RBM17: variants seen among roughly 807,000 people sequenced by gnomAD.
The protein encoded by RBM17 is RNA binding motif protein 17.
A neutral mutation model predicts 53.2 loss-of-function variants in RBM17; 7 were observed. That is an observed-to-expected ratio of 0.13 (90% CI 0.07 to 0.25). The LOEUF is 0.25. Among genes scored for constraint, RBM17 ranks in the 10% least tolerant of loss-of-function variants. The pLI is 1.00. For synonymous variants in RBM17, 167 were observed against 178.1 expected, an observed-to-expected ratio of 0.94 and a Z score of 0.50; for missense variants, 257 against 496.7, an observed-to-expected ratio of 0.52 and a Z score of 4.59.
chr10:6,096,748 A>G (rs148626729), intron 1 of RBM17, among the ~76,000 whole-genome samples: 162 of 152,358 alleles, frequency 1.1e-3, no homozygotes, highest in African/African-American at 3.7e-3. Flanking sequence ...ATATGTAATT[A>G]ATAATGTTCC....
chr10:6,113,127 C>T (rs956762111), intron 8 of RBM17: 6 of 188,272 alleles, frequency 3.2e-5, no homozygotes, highest in South Asian at 3.0e-4. Flanking sequence ...GTAAGGCAGC[C>T]GGTGGCTGGA....
At chr10:6,096,261 C>T (rs1840572288) in intron 1 of RBM17, among the ~76,000 whole-genome samples, 2 of 152,122 alleles carry the variant, frequency 1.3e-5, no homozygotes, top group Admixed American at 6.5e-5. Flanking sequence ...GGGGCTTCCG[C>T]TGTGGCCTTG....
chr10:6,109,542 T>G (rs1004700896), intron 6 of RBM17, among the ~76,000 whole-genome samples: 27 of 152,310 alleles, frequency 1.8e-4, no homozygotes, highest in African/African-American at 6.5e-4. Flanking sequence ...ACCGCTCCAG[T>G]GCGTAGCCCC....
intron 9 of RBM17, 86 bp from the exon 10 acceptor site, chr10:6,113,963 C>A: frequency 1.2e-6 from 1 of 832,510 alleles, no homozygotes; most frequent in Non-Finnish European, 1.9e-6. Context: ...AGAACATTTA[C>A]CATCACTAAG....
intron 1 of RBM17, among the ~76,000 whole-genome samples, chr10:6,094,551 G>A (rs1205651951): frequency 6.6e-6 from 1 of 152,224 alleles, no homozygotes; most frequent in Non-Finnish European, 1.5e-5. Flanking sequence ...TTGCTGACCA[G>A]TTGGATGAAG....
chr10:6,099,084 C>T (rs1203892616), intron 2 of RBM17, among the ~76,000 whole-genome samples: 1 of 151,548 alleles, frequency 6.6e-6, no homozygotes, highest in African/African-American at 2.4e-5. Context: ...CCTCGTTTTT[C>T]TCTTTAATTT....
chr10:6,112,544 C>T lies in RBM17; in HGVS notation c.856+183C>T, dbSNP rs1453687270. ...TGTTCATATGATGCACTGCCACTTC[C>T]GTTTTGTGAAACCAGGAATCCTGAG... On this transcript the variant is annotated intron_variant, in intron 8 of 11. Transcript: ENST00000379888. The surrounding 1 kb of genome is among the most constrained non-coding windows in gnomAD (Gnocchi z 4.4). 13 of 661,870 alleles carry T rather than the reference C, an allele frequency of 2.0e-5. No individual in the cohort carries two copies. The highest frequency in any genetic ancestry group is 5.6e-5 in the East Asian group (2 of 35,448). The allele number at this position is 661,870 out of a possible 1,614,324, so 41.0% of individuals were successfully genotyped here.
intron 8 of RBM17, 96 bp from the exon 9 acceptor site, chr10:6,113,412 T>C: frequency 2.4e-6 from 2 of 834,058 alleles, no homozygotes; most frequent in Non-Finnish European, 4.0e-6. Context: ...GCTATTGAAA[T>C]TAAATTAATT....
chr10:6,111,474 G>A (rs980131626), intron 7 of RBM17, among the ~76,000 whole-genome samples: 1 of 152,208 alleles, frequency 6.6e-6, no homozygotes, highest in Non-Finnish European at 1.5e-5. Context: ...CAAGTAGCTG[G>A]GACTACAGGT....
At chr10:6,102,837 G>A (rs11256761) in intron 3 of RBM17, among the ~76,000 whole-genome samples, 5,944 of 152,102 alleles carry the variant, frequency 0.039, 215 homozygotes, top group African/African-American at 0.098. Flanking sequence ...GTCTTGCTCT[G>A]TCACCACGCT....
chr10:6,108,583 GT>G, intron 5 of RBM17, 102 bp from the exon 6 acceptor site: 2 of 846,232 alleles, frequency 2.4e-6, no homozygotes, highest in Non-Finnish European at 1.9e-6. Flanking sequence ...TCCTTTTTTA[GT>G]TTTTTCTTAG....
At chr10:6,098,968 G>C (rs1840627719) in intron 2 of RBM17, among the ~76,000 whole-genome samples, 1 of 151,904 alleles carries the variant, frequency 6.6e-6, no homozygotes. Context: ...AGGTTTTTTT[G>C]TGTTTTTAAA....
intron 3 of RBM17, among the ~76,000 whole-genome samples, chr10:6,102,275 G>A (rs1840679813): frequency 6.6e-6 from 1 of 152,162 alleles, no homozygotes. Context: ...ACCACCTGTG[G>A]GAAGGGCTGC....
At chr10:6,097,012 G>T in intron 1 of RBM17, 36 bp from the exon 2 acceptor site, 1 of 1,581,364 alleles carries the variant, frequency 6.3e-7, no homozygotes, top group Non-Finnish European at 8.6e-7. Context: ...TTATTGAATT[G>T]TGCATTCTTT....
chr10:6,106,338 AT>A (rs1840748374), intron 5 of RBM17, 100 bp downstream of exon 5: 1 of 761,126 alleles, frequency 1.3e-6, no homozygotes. Context: ...TTCATTTGAC[AT>A]TGATTTGGGT....
At chr10:6,108,414 TA>T in intron 5 of RBM17, 1 of 455,704 alleles carries the variant, frequency 2.2e-6, no homozygotes, top group Admixed American at 4.3e-5. Flanking sequence ...TGTTTTGCCT[TA>T]AAATTCATTT....
rs1840816187 is a variant in RBM17 at position 6,110,182 on chromosome 10, AG to A, written c.704+56del. 41 of 1,496,948 alleles carry A rather than the reference AG, an allele frequency of 2.7e-5. No individual in the cohort carries two copies. The South Asian group carries it at 5.2e-4, about 19-fold the overall frequency. 92.7% of individuals were successfully genotyped at this position (1,496,948 alleles called of 1,614,324 possible). A position where few individuals can be genotyped will look rare whatever the true frequency, so the allele number is the denominator to read the frequency against. On this transcript the variant is annotated intron_variant, in intron 7 of 11. Coordinates refer to ENST00000379888, the MANE Select transcript of RBM17 (RefSeq NM_032905.5). ...TTGAGAGACAGTGTGAAGCGTTGAT[AG>A]CCCTTTCAATAGATGCAGCTTGTTT...
intron 5 of RBM17, 103 bp downstream of exon 5, chr10:6,106,341 G>T: frequency 1.4e-6 from 1 of 740,194 alleles, no homozygotes; most frequent in Non-Finnish European, 2.2e-6. Context: ...ATTTGACATT[G>T]ATTTGGGTAA....
intron 1 of RBM17, among the ~76,000 whole-genome samples, chr10:6,093,780 G>A (rs555344879): frequency 6.6e-6 from 1 of 152,262 alleles, no homozygotes; most frequent in South Asian, 2.1e-4. Context: ...TAGAATGCCT[G>A]CATATACATA....
Sources: allele counts gnomAD v4.1 joint callset (sites outside exome capture counted in the v4.1 genomes callset), GRCh38; gene constraint gnomAD v4.1.1; non-coding constraint Gnocchi (gnomAD v3.1); transcripts MANE v1.5; gene names NCBI Gene and HGNC (gene_info 2026-07-23, HGNC 2026-07-21).